Variants in PTPRG observed in about 807,000 individuals in gnomAD.
PTPRG encodes protein tyrosine phosphatase receptor type G, also known as receptor-type tyrosine-protein phosphatase gamma.
A neutral mutation model predicts 165.3 loss-of-function variants in PTPRG; 102 were observed. The ratio of observed to expected loss-of-function variants is 0.62; its 90% confidence interval spans 0.53 to 0.73. PTPRG has a LOEUF of 0.73. Ranked by LOEUF, PTPRG falls within the 30% of genes least tolerant of loss-of-function variation. The probability of loss-of-function intolerance (pLI) is 0.00; values close to 1 mark genes in which losing one functional copy is unlikely to be tolerated. For missense variants in PTPRG, 1,866 were observed against 1,861.4 expected, an observed-to-expected ratio of 1.00 and a Z score of -0.05; for synonymous variants, 675 against 669.5, an observed-to-expected ratio of 1.01 and a Z score of -0.13.
chr3:62,063,816 T>C (rs1336030082), intron 4 of PTPRG, among the ~76,000 whole-genome samples: 1 of 152,182 alleles, frequency 6.6e-6, no homozygotes, highest in South Asian at 2.1e-4. Context: ...ATCTTTTCTT[T>C]ATTTCTTTGT....
intron 1 of PTPRG, among the ~76,000 whole-genome samples, chr3:61,661,665 T>G (rs767217015): frequency 8.5e-5 from 13 of 152,250 alleles, no homozygotes; most frequent in Non-Finnish European, 1.6e-4. Flanking sequence ...AGAGCTTTGT[T>G]TGTTTGTTTC....
intron 1 of PTPRG, among the ~76,000 whole-genome samples, chr3:61,636,915 A>T (rs1305213913): frequency 1.3e-5 from 2 of 152,118 alleles, no homozygotes; most frequent in African/African-American, 4.8e-5. Context: ...GAAGTTTGAA[A>T]TTTTGATTCT....
Position 62,228,439 on chromosome 3 carries a change from T to TA in PTPRG, c.2289-2782dup, listed in dbSNP as rs895127206. On this transcript the variant is annotated intron_variant, in intron 13 of 29. Coordinates refer to ENST00000474889, the MANE Select transcript of PTPRG (RefSeq NM_002841.4). The surrounding 1 kb of genome is among the most constrained non-coding windows in gnomAD (Gnocchi z 4.1). Reference sequence around the variant, plus strand: ...TGGGAGGCTGAGGCAGAGAATTGCTTAAAATCAGAGGATGCAGTAGGTGGA... The same window carrying TA: ...TGGGAGGCTGAGGCAGAGAATTGCTTAAAAATCAGAGGATGCAGTAGGTGGA... 3.3e-5 allele frequency among the ~76,000 whole-genome samples: 5 copies of TA among 149,554 alleles called. No individual in the cohort carries two copies. Among genetic ancestry groups the TA allele is most frequent in the Non-Finnish European group, 7.4e-5 (5 of 67,622 alleles).
chr3:61,848,349 G>A (rs936484669), intron 2 of PTPRG, among the ~76,000 whole-genome samples: 1 of 152,190 alleles, frequency 6.6e-6, no homozygotes, highest in Non-Finnish European at 1.5e-5. Context: ...TATGATCTTT[G>A]GTCAAGGGAA....
rs139993087 is a variant in PTPRG at position 61,698,718 on chromosome 3, CAAATT to C, written c.86-50156_86-50152del. 6.2e-3 allele frequency among the ~76,000 whole-genome samples: 941 copies of C among 152,074 alleles called. 6 individuals carry two copies. The highest frequency in any genetic ancestry group is 0.011 in the Admixed American group (172 of 15,276). ...TTACTGTTCTAAAAATTTTAACTGA[CAAATT>C]AAAAAAACTTAATTCATTTTAAATA... On this transcript the variant is annotated intron_variant, in intron 1 of 29. Transcript: ENST00000474889.
intron 1 of PTPRG, among the ~76,000 whole-genome samples, chr3:61,633,644 T>G (rs1701827048): frequency 6.6e-6 from 1 of 152,228 alleles, no homozygotes; most frequent in South Asian, 2.1e-4. Context: ...AGAAATAGTT[T>G]TACTTATTCT....
intron 1 of PTPRG, among the ~76,000 whole-genome samples, chr3:61,643,277 A>AGAGAGAGAGAGAGAG (rs1559537079): frequency 6.7e-6 from 1 of 149,744 alleles, no homozygotes; most frequent in South Asian, 2.1e-4. Flanking sequence ...GAGAGAGAGA[A>AGAGAGAGAGAGAGAG]AGAGAGAGAG....
At chr3:62,150,905 C>T (rs1383222103) in intron 6 of PTPRG, among the ~76,000 whole-genome samples, 1 of 152,144 alleles carries the variant, frequency 6.6e-6, no homozygotes, top group African/African-American at 2.4e-5. Flanking sequence ...TCCACAATTC[C>T]TGATTACTGC....
intron 6 of PTPRG, among the ~76,000 whole-genome samples, chr3:62,155,552 C>T (rs906746063): frequency 6.6e-6 from 1 of 152,210 alleles, no homozygotes; most frequent in African/African-American, 2.4e-5. Flanking sequence ...AACAGGGCCT[C>T]TTGCATATAA....
chr3:61,650,999 ACT>A (rs1190658593), intron 1 of PTPRG, among the ~76,000 whole-genome samples: 1 of 151,792 alleles, frequency 6.6e-6, no homozygotes, highest in Admixed American at 6.6e-5. Flanking sequence ...AGTTTATATG[ACT>A]CTGCTGACTC....
chr3:61,984,593 TC>T (rs1297835933), intron 2 of PTPRG, among the ~76,000 whole-genome samples: 1 of 152,208 alleles, frequency 6.6e-6, no homozygotes, highest in Admixed American at 6.5e-5. Flanking sequence ...TGCAGTTTGC[TC>T]CATAATTTCT....
In PTPRG at chr3:62,293,249, G is replaced by A; in HGVS notation, c.4280G>A (p.Gly1427Asp). ...GNGPMTVDKN[G>D]AVLIADESDP... ...GGTCCCATGACAGTAGACAAAAATG[G>A]TGCTGTTCTTATTGCAGATGAATCA... Residue 1427 changes from glycine to aspartate, a missense_variant, in exon 30 of 30, where the codon GGT becomes GAT. Coordinates refer to ENST00000474889, the MANE Select transcript of PTPRG (RefSeq NM_002841.4). 1.2e-6 allele frequency: 2 copies of A among 1,611,932 alleles called. No individual in the cohort carries two copies. Among genetic ancestry groups the A allele is most frequent in the Non-Finnish European group, 1.7e-6 (2 of 1,179,150 alleles).
chr3:61,668,211 C>T (rs922873651), intron 1 of PTPRG, among the ~76,000 whole-genome samples: 1 of 152,114 alleles, frequency 6.6e-6, no homozygotes, highest in Admixed American at 6.6e-5. Context: ...CATATACTTT[C>T]AAATAAGATT....
At chr3:62,239,842 T>C (rs1460456460) in intron 14 of PTPRG, among the ~76,000 whole-genome samples, 1 of 152,178 alleles carries the variant, frequency 6.6e-6, no homozygotes, top group Non-Finnish European at 1.5e-5. Context: ...TCAAGAAGCA[T>C]AATTTCTCGT....
chr3:61,813,585 G>T (rs866561495), intron 2 of PTPRG, among the ~76,000 whole-genome samples: 10 of 145,506 alleles, frequency 6.9e-5, no homozygotes, highest in Admixed American at 2.8e-4. Context: ...GTGTGTGTGT[G>T]TGTGTGTTTA....
rs140372630 is a variant in PTPRG, at chr3:61,907,458, G to A, written c.191-82167G>A. Reference sequence around the variant, plus strand: ...GAAAGCTGCCTCCATCAGTCATGTCGAATTGGTACTCACGATGAAATCTCT... The same window carrying A: ...GAAAGCTGCCTCCATCAGTCATGTCAAATTGGTACTCACGATGAAATCTCT... On this transcript the variant is annotated intron_variant, in intron 2 of 29. Transcript: ENST00000474889. 5.9e-3 allele frequency among the ~76,000 whole-genome samples: 891 copies of A among 152,222 alleles called. 6 individuals are homozygous for A. Among genetic ancestry groups the A allele is most frequent in the African/African-American group, 0.02 (814 of 41,550 alleles).
intron 2 of PTPRG, among the ~76,000 whole-genome samples, chr3:61,814,168 T>C (rs2035684953): frequency 6.6e-6 from 1 of 152,210 alleles, no homozygotes; most frequent in African/African-American, 2.4e-5. Context: ...CCCAAAGTGC[T>C]GGGATTACAG....
intron 2 of PTPRG, among the ~76,000 whole-genome samples, chr3:61,879,077 C>G (rs1284601876): frequency 6.6e-6 from 1 of 152,120 alleles, no homozygotes; most frequent in Non-Finnish European, 1.5e-5. Flanking sequence ...GGAACAAATC[C>G]TGTGACATTA....
intron 1 of PTPRG, among the ~76,000 whole-genome samples, chr3:61,613,881 A>C (rs1559524706): frequency 6.6e-6 from 1 of 152,218 alleles, no homozygotes; most frequent in African/African-American, 2.4e-5. Flanking sequence ...CAAGGAATTT[A>C]GAGTAATCTC....
Sources: allele counts gnomAD v4.1 joint callset (sites outside exome capture counted in the v4.1 genomes callset), GRCh38; gene constraint gnomAD v4.1.1; non-coding constraint Gnocchi (gnomAD v3.1); transcripts MANE v1.5; gene names NCBI Gene and HGNC (gene_info 2026-07-23, HGNC 2026-07-21).